The following ERCC6L2 variants were observed in gnomAD, a reference collection of about 807,000 sequenced individuals.
The protein encoded by ERCC6L2 is ERCC excision repair 6 like 2.
Under a neutral mutation model 132.0 loss-of-function variants are expected in ERCC6L2, and 77 were observed. The ratio of observed to expected loss-of-function variants is 0.58; its 90% CI spans 0.49 to 0.71. The LOEUF is 0.71. Ranked by LOEUF, ERCC6L2 falls within the 30% of genes least tolerant of loss-of-function variation. The probability of loss-of-function intolerance (pLI) is 0.00; values close to 1 mark genes in which losing one functional copy is unlikely to be tolerated. For synonymous variants in ERCC6L2, 583 were observed against 632.4 expected (o/e 0.92, Z 1.17); for missense variants, 1,542 against 1,837.6 (o/e 0.84, Z 2.94).
chr9:95,972,297 A>C lies in ERCC6L2; in HGVS notation c.2546A>C (p.Gln849Pro). ...GACTCTCTTGGTACTTCAAAACATC[A>C]GAAATTAGATAACATCCTAAATCCA... is the stretch of plus-strand genomic sequence containing the variant. The part of the protein sequence containing the change: ...NQDSLGTSKH[Q>P]KLDNILNPKE... The change falls in exon 16 of 19, where the codon CAG becomes CCG. Residue 849 changes from glutamine (Q) to proline (P), a missense_variant. Transcript: ENST00000653738. The C allele has an allele frequency of 3.1e-6, 4 of 1,297,146 alleles. No homozygotes were observed. Among genetic ancestry groups the C allele is most frequent in the Non-Finnish European group, 4.1e-6 (4 of 986,908 alleles). 80.4% of individuals were successfully genotyped at this position (1,297,146 alleles called of 1,614,324 possible).
At chr9:96,035,019 C>T (rs1174367071) in intron 19 of ERCC6L2, among the ~76,000 whole-genome samples, 1 of 152,192 alleles carries the variant, frequency 6.6e-6, no homozygotes, top group South Asian at 2.1e-4. Flanking sequence ...TCTCTGTAGC[C>T]TGCACCCTTG....
intron 12 of ERCC6L2, among the ~76,000 whole-genome samples, chr9:95,943,374 G>C (rs950938003): frequency 3.3e-5 from 5 of 151,948 alleles, no homozygotes; most frequent in Non-Finnish European, 7.4e-5. Context: ...TTAAATGCTA[G>C]CAAAAAATTT....
chr9:95,933,245 C>CT (rs1361610866), intron 11 of ERCC6L2, among the ~76,000 whole-genome samples: 2 of 152,124 alleles, frequency 1.3e-5, no homozygotes, highest in South Asian at 2.1e-4. Flanking sequence ...TTCGTTTCTG[C>CT]TTTTTTGCTG....
chr9:95,921,447 G>T, intron 7 of ERCC6L2, 132 bp downstream of exon 7: 1 of 574,974 alleles, frequency 1.7e-6, no homozygotes, highest in Non-Finnish European at 2.7e-6. Flanking sequence ...TTAAAAAATA[G>T]TTTTCAAAAA....
chr9:96,032,309 C>T (rs959068474), intron 19 of ERCC6L2, among the ~76,000 whole-genome samples: 1 of 152,236 alleles, frequency 6.6e-6, no homozygotes, highest in African/African-American at 2.4e-5. Flanking sequence ...GCAGCTGCCG[C>T]TAGGCCAGGC....
At position 96,016,312 on chromosome 9, in the gene ERCC6L2, T is replaced by C. The variant is rs1834184720; in HGVS notation, c.*3109T>C. 6.6e-6 allele frequency among the ~76,000 whole-genome samples: 1 copy of C among 152,240 alleles called. No homozygotes were observed. Among genetic ancestry groups the C allele is most frequent in the African/African-American group, 2.4e-5 (1 of 41,472 alleles). ...TTCAAGCAACACCACTGTGGCTCCA[T>C]GGAGCACTAATTTGAAAACCACAGA... On this transcript the variant is annotated 3_prime_UTR_variant, in exon 19 of 19. Coordinates refer to ENST00000653738, the MANE Select transcript of ERCC6L2 (RefSeq NM_020207.7).
At chr9:95,992,669 A>C (rs1030760038) in intron 17 of ERCC6L2, among the ~76,000 whole-genome samples, 7 of 152,302 alleles carry the variant, frequency 4.6e-5, no homozygotes, top group African/African-American at 1.7e-4. Flanking sequence ...CGTGCTTGAA[A>C]TCTTCTTCCC....
At chr9:95,945,892 T>C (rs1323830028) in intron 12 of ERCC6L2, among the ~76,000 whole-genome samples, 1 of 152,128 alleles carries the variant, frequency 6.6e-6, no homozygotes, top group Non-Finnish European at 1.5e-5. Flanking sequence ...GTTGAAACTT[T>C]TTTTAGAAAG....
intron 2 of ERCC6L2, among the ~76,000 whole-genome samples, chr9:95,895,687 C>T (rs1694490387): frequency 6.6e-6 from 1 of 151,860 alleles, no homozygotes; most frequent in African/African-American, 2.4e-5. Flanking sequence ...ATTATAACTA[C>T]ACTTGTGCTC....
At chr9:96,005,553 G>A (rs61266731) in intron 18 of ERCC6L2, among the ~76,000 whole-genome samples, 2,007 of 151,854 alleles carry the variant, frequency 0.013, 58 homozygotes, top group African/African-American at 0.047. Context: ...GCAAAGAACC[G>A]GAGTAGGAGC....
At chr9:95,895,660 CAT>C (rs949532992) in intron 2 of ERCC6L2, among the ~76,000 whole-genome samples, 21 of 151,876 alleles carry the variant, frequency 1.4e-4, no homozygotes, top group African/African-American at 4.6e-4. Flanking sequence ...CTCCCTACAG[CAT>C]AGTGACCTCA....
At chr9:95,998,156 A>G (rs868815327) in intron 17 of ERCC6L2, among the ~76,000 whole-genome samples, 10 of 151,542 alleles carry the variant, frequency 6.6e-5, no homozygotes, top group African/African-American at 1.9e-4. Flanking sequence ...TTTTTTTTTG[A>G]AAAACGTGTT....
At chr9:95,999,087 G>C (rs1217373044) in intron 17 of ERCC6L2, among the ~76,000 whole-genome samples, 1 of 152,212 alleles carries the variant, frequency 6.6e-6, no homozygotes, top group Non-Finnish European at 1.5e-5. Context: ...CTGGCCGGGC[G>C]TGGTGGCTCA....
At position 96,029,095 on chromosome 9, in the gene ERCC6L2, G is replaced by A. The variant is rs559111013; in HGVS notation, c.*1504-9781G>A. Among the ~76,000 whole-genome samples the A allele has an allele frequency of 2.0e-5, 3 of 152,092 alleles. No individual in the cohort carries two copies. In the East Asian group the frequency reaches 5.8e-4, roughly 29 times the overall value. Reference sequence around the variant, plus strand: ...CAAGGTGGGCGGATCACAAGGTCAGGAGATCGAGACCATCCTGGCTAACAT... The same window carrying A: ...CAAGGTGGGCGGATCACAAGGTCAGAAGATCGAGACCATCCTGGCTAACAT... On this transcript the variant is annotated intron_variant and NMD_transcript_variant, in intron 19 of 20. Transcript: ENST00000670016.
At chr9:95,894,108 C>T (rs533004864) in intron 2 of ERCC6L2, among the ~76,000 whole-genome samples, 4 of 152,026 alleles carry the variant, frequency 2.6e-5, no homozygotes, top group Admixed American at 6.5e-5. Flanking sequence ...AGAACACTTA[C>T]GTTAGCATAT....
chr9:96,001,755 G>A lies in ERCC6L2; in HGVS notation c.3493-2765G>A, dbSNP rs777697635. Among the ~76,000 whole-genome samples the A allele has an allele frequency of 3.0e-4, 46 of 152,374 alleles. 1 individual carries two copies. The highest frequency in any genetic ancestry group is 2.1e-4 in the South Asian group (1 of 4,828). Reference sequence around the variant, plus strand: ...CCTTGGGTGGTTGATGGGACTGGGCGCCGTGGAGCAGGGGGTGGCGCTCGT... The same window carrying A: ...CCTTGGGTGGTTGATGGGACTGGGCACCGTGGAGCAGGGGGTGGCGCTCGT... On this transcript the variant is annotated intron_variant, in intron 17 of 18. Transcript: ENST00000653738.
At chr9:95,955,338 A>G (rs1831547154) in intron 12 of ERCC6L2, among the ~76,000 whole-genome samples, 1 of 152,242 alleles carries the variant, frequency 6.6e-6, no homozygotes. Flanking sequence ...CAGTTTTAAT[A>G]AAGTATAATT....
intron 12 of ERCC6L2, among the ~76,000 whole-genome samples, chr9:95,949,123 G>C (rs1474310461): frequency 6.6e-6 from 1 of 152,030 alleles, no homozygotes; most frequent in Non-Finnish European, 1.5e-5. Context: ...TTCAACAGCA[G>C]ACCAAAATAG....
At chr9:95,966,070 C>G (rs1303893685) in intron 13 of ERCC6L2, among the ~76,000 whole-genome samples, 1 of 152,092 alleles carries the variant, frequency 6.6e-6, no homozygotes, top group African/African-American at 2.4e-5. Flanking sequence ...TGCAGTGTTT[C>G]TTAAAACAGT....
Sources: allele counts gnomAD v4.1 joint callset (sites outside exome capture counted in the v4.1 genomes callset), GRCh38; gene constraint gnomAD v4.1.1; transcripts MANE v1.5; gene names NCBI Gene and HGNC (gene_info 2026-07-23, HGNC 2026-07-21).